Variants in VPS13B observed in about 807,000 individuals in gnomAD.
VPS13B encodes vacuolar protein sorting 13 homolog B, also known as intermembrane lipid transfer protein VPS13B.
A neutral mutation model predicts 426.4 loss-of-function variants in VPS13B; 285 were observed. That is an observed-to-expected ratio of 0.67 (90% CI 0.61 to 0.74). VPS13B has a LOEUF of 0.74. Among genes scored for constraint, VPS13B ranks in the 30% least tolerant of loss-of-function variants. VPS13B has a pLI of 0.00. For synonymous variants in VPS13B, 1,676 were observed against 1,676.4 expected, an observed-to-expected ratio of 1.00 and a Z score of 0.01; for missense variants, 4,537 against 4,782.6, an observed-to-expected ratio of 0.95 and a Z score of 1.51.
chr8:99,051,972 A>G lies in VPS13B; in HGVS notation c.291+13406A>G, dbSNP rs186458052. Among the ~76,000 whole-genome samples the G allele has an allele frequency of 3.4e-3, 518 of 152,308 alleles. 2 individuals carry two copies. Among genetic ancestry groups the G allele is most frequent in the African/African-American group, 0.011 (455 of 41,556 alleles). On this transcript the variant is annotated intron_variant, in intron 3 of 61. Coordinates refer to ENST00000357162, the MANE Select transcript of VPS13B (RefSeq NM_152564.5). ...TTCTCGATATACAATCATGTCATCC[A>G]CAAACAGGGACAATTTGACTTCCTC... is the stretch of plus-strand genomic sequence containing the variant.
intron 43 of VPS13B, chr8:99,804,370 A>C (rs1813281696): frequency 6.6e-6 from 1 of 152,214 alleles, no homozygotes; most frequent in Non-Finnish European, 1.5e-5. Flanking sequence ...GTCTGCAGAA[A>C]ATAGGAGGCA....
chr8:99,558,487 G>T lies in VPS13B; in HGVS notation c.4949+1834G>T, dbSNP rs985576884. On this transcript the variant is annotated intron_variant, in intron 31 of 61. Coordinates refer to ENST00000357162, the MANE Select transcript of VPS13B (RefSeq NM_152564.5). Reference sequence around the variant, plus strand: ...AGGTTTCTTACATATGAATACATGTGCCATGTTGGTGTGCTGCACCCATTA... The same window carrying T: ...AGGTTTCTTACATATGAATACATGTTCCATGTTGGTGTGCTGCACCCATTA... 7.0e-4 allele frequency among the ~76,000 whole-genome samples: 106 copies of T among 152,190 alleles called. 1 individual carries two copies. The highest frequency in any genetic ancestry group is 2.5e-3 in the African/African-American group (102 of 41,538).
chr8:99,141,744 A>T (rs765736016), intron 12 of VPS13B, among the ~76,000 whole-genome samples: 20 of 151,990 alleles, frequency 1.3e-4, no homozygotes, highest in Non-Finnish European at 2.5e-4. Flanking sequence ...TATGTGAGTA[A>T]TAAATCTAAT....
At position 99,832,646 on chromosome 8, in the gene VPS13B, G is replaced by A. The variant is rs747611342; in HGVS notation, c.9608G>A (p.Cys3203Tyr). ...GGGAATTTCCGGGAAAATGGATTCT[G>A]TACCAGGTATTTTATGTTTATATAA... is the stretch of plus-strand genomic sequence containing the variant. ...PLGNFRENGFCTRAIVLTYQE... is the reference protein window; with the variant it reads ...PLGNFRENGFYTRAIVLTYQE... The change falls in exon 52 of 62, where the codon TGT (cysteine) becomes TAT (tyrosine). Residue 3203 changes from cysteine (C) to tyrosine (Y), a missense_variant. This residue lies in a region of VPS13B where 4,311 missense variants were observed against 4,474.3 expected (regional missense o/e 0.96). Coordinates refer to ENST00000357162, the MANE Select transcript of VPS13B (RefSeq NM_152564.5). The A allele has an allele frequency of 6.8e-6, 11 of 1,613,552 alleles. No homozygotes were observed. The highest frequency in any genetic ancestry group is 1.3e-5 in the African/African-American group (1 of 74,996).
At chr8:99,865,667 C>G (rs779704249) in intron 58 of VPS13B, among the ~76,000 whole-genome samples, 2 of 152,176 alleles carry the variant, frequency 1.3e-5, no homozygotes, top group Non-Finnish European at 2.9e-5. Context: ...TGTTGGTTTG[C>G]TCGTCTGTTC....
intron 34 of VPS13B, among the ~76,000 whole-genome samples, chr8:99,644,785 T>A (rs1341653737): frequency 2.6e-5 from 4 of 152,192 alleles, no homozygotes; most frequent in Admixed American, 6.5e-5. Context: ...GGAAATTTTT[T>A]TCAGAAGACC....
chr8:99,211,785 T>C (rs1738459433), intron 17 of VPS13B, among the ~76,000 whole-genome samples: 1 of 152,160 alleles, frequency 6.6e-6, no homozygotes, highest in Non-Finnish European at 1.5e-5. Flanking sequence ...ACTTATGCTT[T>C]CTGTAATAGA....
rs541277094 is a variant in VPS13B at position 99,576,140 on chromosome 8, A to G, written c.5076+356A>G. On this transcript the variant is annotated intron_variant, in intron 32 of 61. Coordinates refer to ENST00000357162, the MANE Select transcript of VPS13B (RefSeq NM_152564.5). Reference sequence around the variant, plus strand: ...GCCCTCTAGATTGTCATAAGGTTCAAACTGATCAATAGAAGAAATAATTAT... The same window carrying G: ...GCCCTCTAGATTGTCATAAGGTTCAGACTGATCAATAGAAGAAATAATTAT... 7.2e-5 allele frequency among the ~76,000 whole-genome samples: 11 copies of G among 152,266 alleles called. No homozygotes were observed. The East Asian group carries it at 7.7e-4, about 11-fold the overall frequency.
At position 99,875,828 on chromosome 8, in the gene VPS13B, A is replaced by AAAGG. The variant is rs924174483; in HGVS notation, c.*163_*166dup. 22 of 887,800 alleles carry AAAGG rather than the reference A, an allele frequency of 2.5e-5. No homozygotes were observed. The African/African-American group carries it at 3.8e-4, about 15-fold the overall frequency. 55.0% of individuals were successfully genotyped at this position (887,800 alleles called of 1,614,324 possible). On this transcript the variant is annotated 3_prime_UTR_variant, in exon 62 of 62. Transcript: ENST00000357162. ...TACGACTGCAAGCACCTGCCACCAT[A>AAAGG]AAGGGCTGCATTTTGCCACCATAAA... is the stretch of plus-strand genomic sequence containing the variant.
At chr8:99,516,054 T>C (rs1260607888) in intron 29 of VPS13B, among the ~76,000 whole-genome samples, 1 of 152,186 alleles carries the variant, frequency 6.6e-6, no homozygotes, top group African/African-American at 2.4e-5. Flanking sequence ...ATCTGAGGTG[T>C]TATAAATAGC....
intron 29 of VPS13B, among the ~76,000 whole-genome samples, chr8:99,517,461 G>T (rs550568816): frequency 4.6e-5 from 7 of 152,016 alleles, no homozygotes; most frequent in African/African-American, 1.7e-4. Flanking sequence ...TATAATATAC[G>T]CTACATTAAT....
chr8:99,165,102 A>G (rs1021986948), intron 15 of VPS13B, among the ~76,000 whole-genome samples: 4 of 152,208 alleles, frequency 2.6e-5, no homozygotes, highest in Non-Finnish European at 2.9e-5. Flanking sequence ...TATTGTTTAT[A>G]ACATGTTTTG....
intron 22 of VPS13B, among the ~76,000 whole-genome samples, chr8:99,436,183 GTT>G (rs1485080607): frequency 2.0e-5 from 3 of 152,160 alleles, no homozygotes; most frequent in Non-Finnish European, 4.4e-5. Flanking sequence ...AATTCTAGAT[GTT>G]AACTATGTGC....
At chr8:99,086,578 A>T (rs1206297479) in intron 3 of VPS13B, among the ~76,000 whole-genome samples, 1 of 152,000 alleles carries the variant, frequency 6.6e-6, no homozygotes, top group African/African-American at 2.4e-5. Flanking sequence ...TTTTATCCCC[A>T]TCTTTGTGGT....
intron 17 of VPS13B, among the ~76,000 whole-genome samples, chr8:99,263,901 A>G (rs1480100401): frequency 6.6e-6 from 1 of 152,088 alleles, no homozygotes; most frequent in Non-Finnish European, 1.5e-5. Context: ...TCTGTCTTTT[A>G]TTCCTTTTTC....
Position 99,315,641 on chromosome 8 carries a change from C to CT in VPS13B, c.2824+40400dup, listed in dbSNP as rs758454074. The stretch of plus-strand genomic sequence containing the variant: ...TATTTCCCCAGGATTTTGTAAATTT[C>CT]TTTTTTTTTTTTTGAGACGGAGTCT... On this transcript the variant is annotated intron_variant, in intron 19 of 61. Coordinates refer to ENST00000357162, the MANE Select transcript of VPS13B (RefSeq NM_152564.5). Among the ~76,000 whole-genome samples, 1,132 of 139,930 alleles carry CT rather than the reference C, an allele frequency of 8.1e-3. 14 individuals are homozygous for CT. The highest frequency in any genetic ancestry group is 0.023 in the African/African-American group (868 of 38,394). 91.8% of individuals were successfully genotyped at this position (139,930 alleles called of 152,430 possible). A position where few individuals can be genotyped will look rare whatever the true frequency, so the allele number is the denominator to read the frequency against.
intron 8 of VPS13B, among the ~76,000 whole-genome samples, chr8:99,122,214 C>T (rs949055352): frequency 6.6e-6 from 1 of 151,546 alleles, no homozygotes; most frequent in Non-Finnish European, 1.5e-5. Flanking sequence ...CTTTCCTCAT[C>T]TCTTTCGCTT....
At chr8:99,286,040 C>T (rs1462180239) in intron 19 of VPS13B, among the ~76,000 whole-genome samples, 2 of 152,156 alleles carry the variant, frequency 1.3e-5, no homozygotes, top group African/African-American at 4.8e-5. Context: ...CCTCTCCCCT[C>T]CCTTCCCAAT....
At chr8:99,584,770 T>C (rs535564288) in intron 33 of VPS13B, among the ~76,000 whole-genome samples, 53 of 152,330 alleles carry the variant, frequency 3.5e-4, no homozygotes, top group African/African-American at 1.3e-3. Flanking sequence ...GAGTAGCCTA[T>C]TTATTTATTC....
Sources: gnomAD v4.1 joint callset for allele counts (sites outside exome capture counted in the v4.1 genomes callset) on GRCh38, gnomAD v4.1.1 for gene constraint, gnomAD v4.1.1 regional missense constraint, MANE v1.5 for transcripts, NCBI Gene and HGNC (gene_info 2026-07-23, HGNC 2026-07-21) for gene names.